The following PLG variants were observed in gnomAD, a reference collection of about 807,000 sequenced individuals.
PLG encodes plasminogen, also known as plasmin.
Under a neutral mutation model 104.4 loss-of-function variants are expected in PLG, and 41 were observed. The ratio of observed to expected loss-of-function variants is 0.39; its 90% CI spans 0.31 to 0.51. The LOEUF (loss-of-function observed/expected upper bound fraction) is 0.51. Ranked by LOEUF, PLG falls within the 20% of genes least tolerant of loss-of-function variation. PLG has a pLI of 0.76. For synonymous variants in PLG, 337 were observed against 357.1 expected (o/e 0.94, Z 0.63); for missense variants, 891 against 1,003.6 (o/e 0.89, Z 1.52).
chr6:160,703,465 T>G (rs1777460417), intron 1 of PLG, among the ~76,000 whole-genome samples: 1 of 152,222 alleles, frequency 6.6e-6, no homozygotes, highest in Non-Finnish European at 1.5e-5. Context: ...CAACCACTAA[T>G]CTACTTTCTG....
In PLG at chr6:160,752,219, C is replaced by G. The variant is rs781757563; in HGVS notation, c.2230C>G (p.Leu744Val). ...FLNGRVQSTE[L>V]CAGHLAGGTD... Reference sequence around the variant, plus strand: ...GAATGGAAGAGTCCAATCCACCGAACTCTGTGCTGGGCATTTGGCCGGAGG... The same window carrying G: ...GAATGGAAGAGTCCAATCCACCGAAGTCTGTGCTGGGCATTTGGCCGGAGG... The change falls in exon 18 of 19, where the codon CTC becomes GTC. Residue 744 changes from leucine to valine, a missense_variant. Coordinates refer to ENST00000308192, the MANE Select transcript of PLG (RefSeq NM_000301.5). The surrounding 1 kb of genome is among the most constrained non-coding windows in gnomAD (Gnocchi z 4.7). 6.2e-7 allele frequency: 1 copy of G among 1,614,028 alleles called. No individual in the cohort carries two copies. Among genetic ancestry groups the G allele is most frequent in the South Asian group, 1.1e-5 (1 of 91,076 alleles).
rs1276789527 is a variant in PLG, at chr6:160,724,547, A to T, written c.1256+1980A>T. Among the ~76,000 whole-genome samples the T allele has an allele frequency of 1.3e-5, 2 of 152,146 alleles. No homozygotes were observed. Among genetic ancestry groups the T allele is most frequent in the Non-Finnish European group, 2.9e-5 (2 of 68,022 alleles). ...AAGAGATATTGGGACAGAAAAAAAT[A>T]CTTGAAGCAACAAGAAAAATCTTAT... On this transcript the variant is annotated intron_variant, in intron 10 of 18. Transcript: ENST00000308192. The surrounding 1 kb of genome is among the most constrained non-coding windows in gnomAD (Gnocchi z 5.0).
At chr6:160,708,819 C>A (rs1273790620) in intron 3 of PLG, among the ~76,000 whole-genome samples, 1 of 152,064 alleles carries the variant, frequency 6.6e-6, no homozygotes, top group African/African-American at 2.4e-5. Flanking sequence ...ATTAGCTGTA[C>A]GCATTGTACT....
chr6:160,706,402 T>G lies in PLG; in HGVS notation c.50-5T>G, dbSNP rs749966583. 2.5e-6 allele frequency: 4 copies of G among 1,612,698 alleles called. No homozygotes were observed. In the Admixed American group the frequency reaches 6.7e-5, roughly 27 times the overall value. ...ATTTATTCCACTTGGATCTCCCACC[T>G]CTAGGTCAAGGAGAGCCTCTGGATG... On this transcript the variant is annotated splice_polypyrimidine_tract_variant and splice_region_variant and intron_variant, in intron 1 of 18. Transcript: ENST00000308192.
At chr6:160,707,516 C>T (rs767982339) in intron 2 of PLG, among the ~76,000 whole-genome samples, 184 bp from the exon 3 acceptor site, 11 of 152,094 alleles carry the variant, frequency 7.2e-5, no homozygotes, top group African/African-American at 2.2e-4. Flanking sequence ...TTTGCTGCCA[C>T]GTTGGTGTAT....
At chr6:160,709,279 C>G (rs1168766424) in intron 3 of PLG, among the ~76,000 whole-genome samples, 1 of 152,164 alleles carries the variant, frequency 6.6e-6, no homozygotes, top group Non-Finnish European at 1.5e-5. Context: ...TTGCCAGGAA[C>G]AGTCAGTGTT....
rs1778096440 is a variant in PLG at position 160,737,005 on chromosome 6, A to G, written c.1800A>G (p.Thr600=). 1 of 1,613,050 alleles carries G rather than the reference A, an allele frequency of 6.2e-7. No homozygotes were observed. Among genetic ancestry groups the G allele is most frequent in the Admixed American group, 1.7e-5 (1 of 59,998 alleles). Reference sequence around the variant, plus strand: ...GGCCCTGGCAAGTCAGTCTTAGAACAAGGTAAGAACAGGCCCAGAAACGAT... The same window carrying G: ...GGCCCTGGCAAGTCAGTCTTAGAACGAGGTAAGAACAGGCCCAGAAACGAT... ...HSWPWQVSLR[T]RFGMHFCGGT... Residue 600 remains threonine (T), a splice_region_variant and synonymous_variant, in exon 14 of 19, where the codon ACA becomes ACG. Transcript: ENST00000308192. The surrounding 1 kb of genome is among the most constrained non-coding windows in gnomAD (Gnocchi z 4.7).
chr6:160,752,966 T>C lies in PLG; in HGVS notation c.2338T>C (p.Trp780Arg), dbSNP rs757121130. 5 of 1,613,272 alleles carry C rather than the reference T, an allele frequency of 3.1e-6. No homozygotes were observed. Among genetic ancestry groups the C allele is most frequent in the Non-Finnish European group, 4.2e-6 (5 of 1,179,392 alleles). ...DKYILQGVTS[W>R]GLGCARPNKP... ...ATACATTTTACAAGGAGTCACTTCT[T>C]GGGGTCTTGGCTGTGCACGCCCCAA... is the stretch of plus-strand genomic sequence containing the variant. Residue 780 changes from tryptophan to arginine, a missense_variant, in exon 19 of 19, where the codon TGG (tryptophan) becomes CGG (arginine). Physicochemically the swap from Trp to Arg is moderately radical, Grantham distance 101. Coordinates refer to ENST00000308192, the MANE Select transcript of PLG (RefSeq NM_000301.5). This position sits in a 1 kb window ranked among gnomAD's most constrained non-coding sequence, Gnocchi z 4.7.
rs944199615 is a variant in PLG at position 160,738,671 on chromosome 6, T to C, written c.1877+59T>C. 2 of 1,016,004 alleles carry C rather than the reference T, an allele frequency of 2.0e-6. No homozygotes were observed. Among genetic ancestry groups the C allele is most frequent in the Admixed American group, 3.4e-5 (2 of 59,012 alleles). 62.9% of individuals were successfully genotyped at this position (1,016,004 alleles called of 1,614,324 possible). A position where few individuals can be genotyped will look rare whatever the true frequency, so the allele number is the denominator to read the frequency against. ...TCTTAAATACTTTTTCTGTCCTTCT[T>C]TTCCTCCTTTCCTCCTTTCCTTTCT... On this transcript the variant is annotated intron_variant, in intron 15 of 18. Coordinates refer to ENST00000308192, the MANE Select transcript of PLG (RefSeq NM_000301.5). This position sits in a 1 kb window ranked among gnomAD's most constrained non-coding sequence, Gnocchi z 6.8.
chr6:160,717,732 G>A (rs1777763184), intron 7 of PLG, among the ~76,000 whole-genome samples: 1 of 152,170 alleles, frequency 6.6e-6, no homozygotes, highest in African/African-American at 2.4e-5. Context: ...GAAGAACTGA[G>A]CAAAGAGAAC....
chr6:160,707,058 G>T (rs1351938199), intron 2 of PLG, among the ~76,000 whole-genome samples: 1 of 152,154 alleles, frequency 6.6e-6, no homozygotes, highest in Non-Finnish European at 1.5e-5. Context: ...GCTAGAGAAG[G>T]CTCAGGGAGG....
At chr6:160,718,264 A>T in intron 7 of PLG, 30 bp from the exon 8 acceptor site, 9 of 1,591,462 alleles carry the variant, frequency 5.7e-6, no homozygotes, top group Non-Finnish European at 7.8e-6. Context: ...AAATATATAT[A>T]TTCATTGTAA....
Position 160,738,956 on chromosome 6 carries a change from C to G in PLG, c.1878-112C>G. On this transcript the variant is annotated intron_variant, in intron 15 of 18. Transcript: ENST00000308192. This position sits in a 1 kb window ranked among gnomAD's most constrained non-coding sequence, Gnocchi z 6.8. ...ATTTTGCTTCTTGCCACTCAGAAGT[C>G]ACTAATTCTGAGTGGCCAAGGGTGT... 1 of 1,256,154 alleles carries G rather than the reference C, an allele frequency of 8.0e-7. No individual in the cohort carries two copies. The highest frequency in any genetic ancestry group is 1.2e-6 in the Non-Finnish European group (1 of 857,262). 77.8% of individuals were successfully genotyped at this position (1,256,154 alleles called of 1,614,324 possible). A position where few individuals can be genotyped will look rare whatever the true frequency, so the allele number is the denominator to read the frequency against.
intron 1 of PLG, among the ~76,000 whole-genome samples, chr6:160,702,629 G>C (rs1777439931): frequency 6.6e-6 from 1 of 152,184 alleles, no homozygotes; most frequent in African/African-American, 2.4e-5. Flanking sequence ...AATTGAAAAA[G>C]AGCCAATGTA....
intron 5 of PLG, among the ~76,000 whole-genome samples, chr6:160,713,662 C>T (rs1294253637): frequency 1.3e-5 from 2 of 152,180 alleles, no homozygotes; most frequent in Non-Finnish European, 1.5e-5. Flanking sequence ...GCTTACAACT[C>T]TTACACAGTG....
At chr6:160,743,382 G>T (rs1778226356) in intron 17 of PLG, among the ~76,000 whole-genome samples, 1 of 152,054 alleles carries the variant, frequency 6.6e-6, no homozygotes, top group Admixed American at 6.6e-5. Context: ...TACCTCTCTG[G>T]TTAGCTGTAT....
rs528536716 is a variant in PLG, at chr6:160,719,661, T to G, written c.1096+823T>G. 2.4e-4 allele frequency among the ~76,000 whole-genome samples: 36 copies of G among 152,298 alleles called. No homozygotes were observed. Among genetic ancestry groups the G allele is most frequent in the African/African-American group, 7.9e-4 (33 of 41,578 alleles). ...CACTACTCACTTAGTAAATTAATTT[T>G]TAATGGTTTTAGTATTTTCCACAAT... On this transcript the variant is annotated intron_variant, in intron 9 of 18. Transcript: ENST00000308192. This position sits in a 1 kb window ranked among gnomAD's most constrained non-coding sequence, Gnocchi z 4.1.
In PLG at chr6:160,744,302, G is replaced by A. The variant is rs1778244504; in HGVS notation, c.2125+2885G>A. On this transcript the variant is annotated intron_variant, in intron 17 of 18. Coordinates refer to ENST00000308192, the MANE Select transcript of PLG (RefSeq NM_000301.5). The surrounding 1 kb of genome is among the most constrained non-coding windows in gnomAD (Gnocchi z 4.5). ...TCTATCTGGTCCTGGGCTTTTGTTG[G>A]TTAGTAGGCTATTTATTACTGATTC... is the stretch of plus-strand genomic sequence containing the variant. 6.6e-6 allele frequency among the ~76,000 whole-genome samples: 1 copy of A among 152,074 alleles called. No homozygotes were observed. Among genetic ancestry groups the A allele is most frequent in the Non-Finnish European group, 1.5e-5 (1 of 67,976 alleles).
Position 160,718,858 on chromosome 6 carries a change from C to A in PLG, c.1096+20C>A. The A allele has an allele frequency of 6.2e-7, 1 of 1,610,956 alleles. No homozygotes were observed. The highest frequency in any genetic ancestry group is 8.5e-7 in the Non-Finnish European group (1 of 1,177,122). Reference sequence around the variant, plus strand: ...CCACAGGTAAGCAAGGGTATGGGAGCTTACTGAGGGCCCAAGTTTTCTCCT... The same window carrying A: ...CCACAGGTAAGCAAGGGTATGGGAGATTACTGAGGGCCCAAGTTTTCTCCT... On this transcript the variant is annotated intron_variant, in intron 9 of 18. Transcript: ENST00000308192.
Sources: gnomAD v4.1 joint callset for allele counts (sites outside exome capture counted in the v4.1 genomes callset) on GRCh38, gnomAD v4.1.1 for gene constraint, Gnocchi (gnomAD v3.1) non-coding constraint, MANE v1.5 for transcripts, NCBI Gene and HGNC (gene_info 2026-07-23, HGNC 2026-07-21) for gene names.